SLC71A2: variants seen among roughly 807,000 people sequenced by gnomAD.
SLC71A2 encodes hippocampus abundant transcript-like 1.
At chr9:94,414,318 A>G in the SLC71A2 span, among the ~76,000 whole-genome samples, 1 of 152,194 alleles carries the variant, frequency 6.6e-6, no homozygotes, top group African/African-American at 2.4e-5. Context: ...TCATTGCAGT[A>G]ATCTGTGGGA....
the SLC71A2 span, among the ~76,000 whole-genome samples, chr9:94,448,630 A>G: frequency 2.0e-5 from 3 of 152,058 alleles, no homozygotes; most frequent in African/African-American, 7.2e-5. Flanking sequence ...TATAAATAAA[A>G]CCTTTTTACT....
chr9:94,427,141 C>T, the SLC71A2 span, among the ~76,000 whole-genome samples: 1 of 152,140 alleles, frequency 6.6e-6, no homozygotes, highest in Non-Finnish European at 1.5e-5. Flanking sequence ...TATTTACATA[C>T]TTTATTTTGG....
At chr9:94,448,156 C>T in the SLC71A2 span, among the ~76,000 whole-genome samples, 1 of 152,096 alleles carries the variant, frequency 6.6e-6, no homozygotes, top group Non-Finnish European at 1.5e-5. Context: ...TTATTTCAGA[C>T]CTGCCCTTGT....
At chr9:94,442,550 A>G in the SLC71A2 span, among the ~76,000 whole-genome samples, 2 of 152,136 alleles carry the variant, frequency 1.3e-5, no homozygotes, top group Non-Finnish European at 2.9e-5. Flanking sequence ...CTCACTCAGG[A>G]ACACCAAAAA....
the SLC71A2 span, among the ~76,000 whole-genome samples, chr9:94,375,234 G>T: frequency 1.3e-5 from 2 of 151,864 alleles, no homozygotes; most frequent in East Asian, 3.8e-4. Context: ...TTTTCCTGGC[G>T]CAGTTTCTCT....
the SLC71A2 span, among the ~76,000 whole-genome samples, chr9:94,442,802 A>G: frequency 1.3e-5 from 2 of 151,574 alleles, no homozygotes; most frequent in Admixed American, 1.3e-4. Context: ...GTGAGCCAAG[A>G]TCGCGCCACT....
chr9:94,451,226 A>T, the SLC71A2 span, among the ~76,000 whole-genome samples: 7 of 152,322 alleles, frequency 4.6e-5, no homozygotes, highest in South Asian at 1.4e-3. Context: ...TAGACATATA[A>T]TAGAAAATGT....
the SLC71A2 span, among the ~76,000 whole-genome samples, chr9:94,457,017 AGT>A: frequency 7.5e-6 from 1 of 132,458 alleles, no homozygotes; most frequent in African/African-American, 2.8e-5. Flanking sequence ...CCCAGGCTGG[AGT>A]GTAGTGGTAC....
At chr9:94,450,426 A>G in the SLC71A2 span, among the ~76,000 whole-genome samples, 114 of 151,592 alleles carry the variant, frequency 7.5e-4, no homozygotes, top group Non-Finnish European at 8.8e-4. Flanking sequence ...AGAATAATGT[A>G]TATAATTTAA....
the SLC71A2 span, among the ~76,000 whole-genome samples, chr9:94,453,674 T>C: frequency 1.3e-5 from 2 of 152,198 alleles, no homozygotes; most frequent in East Asian, 3.9e-4. Context: ...TCATGGTAAC[T>C]GGTGAACAGT....
the SLC71A2 span, among the ~76,000 whole-genome samples, chr9:94,394,137 ATTGT>A: frequency 7.2e-6 from 1 of 138,486 alleles, no homozygotes; most frequent in African/African-American, 2.7e-5. Context: ...TGGTTAATAA[ATTGT>A]TTGAAAAGTT....
the SLC71A2 span, among the ~76,000 whole-genome samples, chr9:94,436,021 T>C: frequency 6.6e-6 from 1 of 152,224 alleles, no homozygotes; most frequent in Non-Finnish European, 1.5e-5. Context: ...TCTTTCTACC[T>C]GTTAGGCCAC....
the SLC71A2 span, among the ~76,000 whole-genome samples, chr9:94,408,688 A>T: frequency 6.6e-6 from 1 of 150,506 alleles, no homozygotes; most frequent in Admixed American, 6.6e-5. Context: ...AAGGTTGACC[A>T]TTATTATCTT....
the SLC71A2 span, among the ~76,000 whole-genome samples, chr9:94,385,627 A>G: frequency 6.6e-6 from 1 of 152,116 alleles, no homozygotes; most frequent in Non-Finnish European, 1.5e-5. Flanking sequence ...TCAAGAGACC[A>G]TTCTTTTATG....
chr9:94,440,185 T>C, the SLC71A2 span, among the ~76,000 whole-genome samples: 1 of 151,246 alleles, frequency 6.6e-6, no homozygotes, highest in Non-Finnish European at 1.5e-5. Flanking sequence ...ACGGAGTCTC[T>C]CTCTGTCGCC....
the SLC71A2 span, among the ~76,000 whole-genome samples, chr9:94,456,630 A>G: frequency 2.6e-5 from 4 of 152,206 alleles, no homozygotes; most frequent in Non-Finnish European, 5.9e-5. Context: ...TAGTGTCACA[A>G]TTAAGCAGAC....
chr9:94,395,893 C>T, the SLC71A2 span, among the ~76,000 whole-genome samples: 10 of 152,050 alleles, frequency 6.6e-5, no homozygotes, highest in Admixed American at 2.6e-4. Flanking sequence ...TGTTAGCAAG[C>T]GATCCTCCTC....
the SLC71A2 span, among the ~76,000 whole-genome samples, chr9:94,414,805 C>T: frequency 6.6e-6 from 1 of 152,094 alleles, no homozygotes; most frequent in East Asian, 1.9e-4. Flanking sequence ...GACCAAGTAG[C>T]CTGCCACCAT....
At chr9:94,433,692 A>G in the SLC71A2 span, among the ~76,000 whole-genome samples, 2 of 152,222 alleles carry the variant, frequency 1.3e-5, no homozygotes, top group Non-Finnish European at 1.5e-5. Flanking sequence ...GAGTTTATGC[A>G]TAAGTACATT....
Sources: gnomAD v4.1 joint callset for allele counts (sites outside exome capture counted in the v4.1 genomes callset) on GRCh38, gnomAD v4.1.1 for gene constraint, MANE v1.5 for transcripts, NCBI Gene and HGNC (gene_info 2026-07-23, HGNC 2026-07-21) for gene names.